Variants in MARCHF7 observed in about 807,000 individuals in gnomAD.
MARCHF7 encodes the protein E3 ubiquitin-protein ligase MARCHF7.
MARCHF7 carries 20 observed loss-of-function variants against 76.5 expected under a neutral mutation model. The ratio of observed to expected loss-of-function variants is 0.26; its 90% CI spans 0.18 to 0.38. The LOEUF is 0.38. MARCHF7 is among the 10% of genes least tolerant of loss of function. The probability of loss-of-function intolerance (pLI) is 1.00; values close to 1 mark genes in which losing one functional copy is unlikely to be tolerated. For synonymous variants in MARCHF7, 295 were observed against 293.0 expected (o/e 1.01, Z -0.07); for missense variants, 797 against 812.9 (o/e 0.98, Z 0.24).
At chr2:159,764,137 T>G (rs996991336) in intron 10 of MARCHF7, among the ~76,000 whole-genome samples, 11 of 151,856 alleles carry the variant, frequency 7.2e-5, no homozygotes, top group Non-Finnish European at 1.2e-4. Context: ...GTGGAAGTCA[T>G]TAGGATTTTT....
intron 9 of MARCHF7, among the ~76,000 whole-genome samples, chr2:159,762,304 C>T: frequency 6.6e-6 from 1 of 152,222 alleles, no homozygotes; most frequent in East Asian, 1.9e-4. Flanking sequence ...CTAAAATAAA[C>T]TCTGTTAAAT....
At chr2:159,750,479 T>C (rs555144495) in intron 7 of MARCHF7, among the ~76,000 whole-genome samples, 2 of 152,182 alleles carry the variant, frequency 1.3e-5, no homozygotes, top group East Asian at 3.9e-4. Context: ...GAGCTGAGAT[T>C]GCACCACTGC....
Position 159,767,394 on chromosome 2 carries a change from G to A in MARCHF7, c.*52G>A. ...GTGAACATAAGTGTTTATTAAAAAT[G>A]GCAATTAAATATAAATTACTTTTGT... On this transcript the variant is annotated 3_prime_UTR_variant, in exon 12 of 12. Coordinates refer to ENST00000409175, the MANE Select transcript of MARCHF7 (RefSeq NM_001282805.2). The A allele has an allele frequency of 7.3e-7, 1 of 1,377,248 alleles. No homozygotes were observed. The highest frequency in any genetic ancestry group is 1.0e-6 in the Non-Finnish European group (1 of 978,602). The allele number at this position is 1,377,248 out of a possible 1,614,324, so 85.3% of individuals were successfully genotyped here. A position where few individuals can be genotyped will look rare whatever the true frequency, so the allele number is the denominator to read the frequency against.
intron 3 of MARCHF7, among the ~76,000 whole-genome samples, chr2:159,716,670 G>A (rs1701078117): frequency 6.6e-6 from 1 of 152,034 alleles, no homozygotes; most frequent in Non-Finnish European, 1.5e-5. Context: ...GATTACATTG[G>A]TATTTTGTGT....
chr2:159,729,018 T>G lies in MARCHF7; in HGVS notation c.-5T>G, dbSNP rs1702477681. The G allele has an allele frequency of 3.9e-6, 6 of 1,547,904 alleles. No individual in the cohort carries two copies. In the African/African-American group the frequency reaches 5.6e-5, roughly 14 times the overall value. On this transcript the variant is annotated 5_prime_UTR_variant, in exon 4 of 12. Transcript: ENST00000409175. Reference sequence around the variant, plus strand: ...AATTTTTATTTCACAGAAAAATCTTTAAGAATGGAGTCTAAACCTTCAAGG... The same window carrying G: ...AATTTTTATTTCACAGAAAAATCTTGAAGAATGGAGTCTAAACCTTCAAGG...
chr2:159,761,910 T>G (rs533333984), intron 9 of MARCHF7, among the ~76,000 whole-genome samples: 6 of 152,210 alleles, frequency 3.9e-5, no homozygotes, highest in East Asian at 1.9e-4. Context: ...AAAACAACTG[T>G]GGGGGGAAAA....
Position 159,767,266 on chromosome 2 carries a change from C to T in MARCHF7, c.2057-18C>T. The T allele has an allele frequency of 6.3e-7, 1 of 1,593,026 alleles. No homozygotes were observed. Among genetic ancestry groups the T allele is most frequent in the South Asian group, 1.1e-5 (1 of 90,294 alleles). ...CCCCCTTAAAATCATTCTTGATCAT[C>T]CTGTTTTCTTTCAACAGCTTCAGAG... On this transcript the variant is annotated intron_variant, in intron 11 of 11. Coordinates refer to ENST00000409175, the MANE Select transcript of MARCHF7 (RefSeq NM_001282805.2).
chr2:159,742,196 T>C (rs1355795886), intron 4 of MARCHF7, among the ~76,000 whole-genome samples: 1 of 152,192 alleles, frequency 6.6e-6, no homozygotes, highest in Non-Finnish European at 1.5e-5. Context: ...TTTTAAAATA[T>C]GTACTTGTTT....
intron 8 of MARCHF7, among the ~76,000 whole-genome samples, chr2:159,754,584 T>G (rs1560022628): frequency 6.6e-6 from 1 of 152,050 alleles, no homozygotes; most frequent in Non-Finnish European, 1.5e-5. Context: ...CAAGAAGTGT[T>G]TTTGTTTTAT....
At chr2:159,733,650 GAA>G in intron 4 of MARCHF7, 1 of 985,258 alleles carries the variant, frequency 1.0e-6, no homozygotes, top group Non-Finnish European at 1.2e-6. Context: ...AAGCTTCAGA[GAA>G]AAGAGGGTCA....
At chr2:159,738,683 C>T (rs1703758739) in intron 4 of MARCHF7, among the ~76,000 whole-genome samples, 1 of 152,078 alleles carries the variant, frequency 6.6e-6, no homozygotes, top group Admixed American at 6.6e-5. Flanking sequence ...TCATGGGCTT[C>T]AGAGAAGAGG....
rs1193449979 is a variant in MARCHF7 at position 159,727,600 on chromosome 2, CT to C, written c.-14-1404del. Among the ~76,000 whole-genome samples the C allele has an allele frequency of 6.6e-5, 10 of 152,034 alleles. No individual in the cohort carries two copies. The East Asian group carries it at 1.9e-3, about 29-fold the overall frequency. On this transcript the variant is annotated intron_variant, in intron 3 of 11. Coordinates refer to ENST00000409175, the MANE Select transcript of MARCHF7 (RefSeq NM_001282805.2). ...GAGACTCCGTCTCAGAAAAAAAAAGCTTTTTAAATTATAGTAGTAACGTGCT... is the reference window on the plus strand; with the variant it reads ...GAGACTCCGTCTCAGAAAAAAAAAGCTTTTAAATTATAGTAGTAACGTGCT...
intron 4 of MARCHF7, among the ~76,000 whole-genome samples, chr2:159,731,631 G>C (rs1024167259): frequency 1.3e-5 from 2 of 151,920 alleles, no homozygotes; most frequent in Non-Finnish European, 2.9e-5. Flanking sequence ...GCGCATGCCT[G>C]TAGTCCTAGC....
intron 2 of MARCHF7, among the ~76,000 whole-genome samples, chr2:159,715,221 TAA>T (rs1290007949): frequency 6.6e-6 from 1 of 152,254 alleles, no homozygotes; most frequent in African/African-American, 2.4e-5. Context: ...GAGTTCCTAC[TAA>T]GATTACTTGA....
At chr2:159,766,741 CTG>C (rs1214130824) in intron 11 of MARCHF7, among the ~76,000 whole-genome samples, 4 of 152,102 alleles carry the variant, frequency 2.6e-5, no homozygotes, top group Admixed American at 2.6e-4. Flanking sequence ...TTAATTTAGG[CTG>C]TGTCTATATG....
chr2:159,749,001 CGG>C, intron 7 of MARCHF7, 98 bp downstream of exon 7: 5 of 1,169,514 alleles, frequency 4.3e-6, no homozygotes, highest in Non-Finnish European at 5.6e-6. Flanking sequence ...TTTTTTGAGA[CGG>C]AGTCTCAGTC....
At chr2:159,725,417 A>G (rs1318157155) in intron 3 of MARCHF7, among the ~76,000 whole-genome samples, 1 of 152,086 alleles carries the variant, frequency 6.6e-6, no homozygotes, top group Non-Finnish European at 1.5e-5. Flanking sequence ...TTTGATTTGC[A>G]TTTCTCTGAT....
chr2:159,767,052 T>TAA (rs1203649964), intron 11 of MARCHF7, among the ~76,000 whole-genome samples: 4 of 152,170 alleles, frequency 2.6e-5, no homozygotes, highest in Non-Finnish European at 4.4e-5. Flanking sequence ...TTCATTTTTA[T>TAA]AAAAATTGAT....
Position 159,743,205 on chromosome 2 carries a change from A to G in MARCHF7, c.298A>G (p.Thr100Ala), listed in dbSNP as rs776323393. 6.8e-6 allele frequency: 11 copies of G among 1,614,098 alleles called. No homozygotes were observed. Among genetic ancestry groups the G allele is most frequent in the South Asian group, 1.1e-5 (1 of 91,082 alleles). The change falls in exon 5 of 12, where the codon ACT becomes GCT. Residue 100 changes from threonine (T) to alanine (A), a missense_variant. Physicochemically the swap from Thr to Ala is moderately conservative, Grantham distance 58. Transcript: ENST00000409175. The stretch of plus-strand genomic sequence containing the variant: ...ACCTAAACTTTCCTGTACAAACTGT[A>G]CTACCTCAGCTGGGAGAAATGTTGG... The part of the protein sequence containing the change: ...KRPKLSCTNC[T>A]TSAGRNVGNG...
Sources: gnomAD v4.1 joint callset for allele counts (sites outside exome capture counted in the v4.1 genomes callset) on GRCh38, gnomAD v4.1.1 for gene constraint, MANE v1.5 for transcripts, NCBI Gene and HGNC (gene_info 2026-07-23, HGNC 2026-07-21) for gene names.